Variants in ARHGEF10L observed in about 807,000 individuals in gnomAD.
ARHGEF10L encodes the protein Rho guanine nucleotide exchange factor 10 like.
ARHGEF10L carries 69 observed loss-of-function variants against 141.2 expected under a neutral mutation model. The observed-to-expected ratio is 0.49, with a 90% confidence interval of 0.40 to 0.60. The LOEUF is 0.60. ARHGEF10L is among the 20% of genes least tolerant of loss of function. The pLI, the probability that ARHGEF10L is intolerant of heterozygous loss-of-function variation, is 0.00. For synonymous variants in ARHGEF10L, 711 were observed against 718.5 expected, an observed-to-expected ratio of 0.99 and a Z score of 0.17; for missense variants, 1,482 against 1,734.3, an observed-to-expected ratio of 0.85 and a Z score of 2.58.
intron 1 of ARHGEF10L, among the ~76,000 whole-genome samples, chr1:17,554,887 G>A (rs963066670): frequency 4.6e-5 from 7 of 152,242 alleles, no homozygotes; most frequent in African/African-American, 7.2e-5. Flanking sequence ...CACTGTGCCC[G>A]ACCCTGGCCA....
chr1:17,579,450 T>C (rs2078382630), intron 1 of ARHGEF10L, among the ~76,000 whole-genome samples: 1 of 152,234 alleles, frequency 6.6e-6, no homozygotes, highest in Non-Finnish European at 1.5e-5. Context: ...TCTTCCTAGC[T>C]GTGTGATCTT....
chr1:17,578,668 C>T (rs4920617), intron 1 of ARHGEF10L, among the ~76,000 whole-genome samples: 89,609 of 152,064 alleles, frequency 0.59, 29,891 homozygotes, highest in South Asian at 0.75. Context: ...CCTGGGAAAT[C>T]GAGACCAAAG....
At chr1:17,609,168 G>T (rs1027919335) in intron 7 of ARHGEF10L, among the ~76,000 whole-genome samples, 1 of 152,214 alleles carries the variant, frequency 6.6e-6, no homozygotes, top group Non-Finnish European at 1.5e-5. Context: ...CAAGAGAGGG[G>T]ACTTTCCCAG....
At chr1:17,681,287 T>C (rs1401300049) in intron 26 of ARHGEF10L, among the ~76,000 whole-genome samples, 1 of 152,212 alleles carries the variant, frequency 6.6e-6, no homozygotes, top group African/African-American at 2.4e-5. Context: ...CTCTTCAACG[T>C]AACTGCATGG....
chr1:17,686,436 G>C (rs74659842), intron 26 of ARHGEF10L, among the ~76,000 whole-genome samples: 1,721 of 152,318 alleles, frequency 0.011, 12 homozygotes, highest in Non-Finnish European at 0.018. Context: ...TGTGGGAAGT[G>C]GCCAAGTAGA....
intron 6 of ARHGEF10L, chr1:17,604,956 C>T (rs2081037941): frequency 6.6e-6 from 1 of 152,246 alleles, no homozygotes; most frequent in Non-Finnish European, 1.5e-5. Flanking sequence ...TGTCACACAG[C>T]CTGTGTTTGC....
chr1:17,582,298 A>G (rs1439690060), intron 2 of ARHGEF10L, among the ~76,000 whole-genome samples: 2 of 151,974 alleles, frequency 1.3e-5, no homozygotes, highest in African/African-American at 4.8e-5. Context: ...GAACCTGAAC[A>G]TGGGGAGTGA....
intron 25 of ARHGEF10L, among the ~76,000 whole-genome samples, chr1:17,660,539 T>A (rs1461555939): frequency 6.6e-6 from 1 of 152,196 alleles, no homozygotes; most frequent in Non-Finnish European, 1.5e-5. Flanking sequence ...CTATTTACTG[T>A]CACCAGGCAG....
At position 17,617,102 on chromosome 1, in the gene ARHGEF10L, G is replaced by A. The variant is rs143164406; in HGVS notation, c.835+900G>A. On this transcript the variant is annotated intron_variant, in intron 9 of 28. Transcript: ENST00000361221. The stretch of plus-strand genomic sequence containing the variant: ...AGGGATAGAGGAGGCCTCAGGTGGC[G>A]GAAGTGAGGGCGGGCATGATAGGCC... 4.3e-3 allele frequency among the ~76,000 whole-genome samples: 652 copies of A among 152,318 alleles called. 4 individuals are homozygous for A. The highest frequency in any genetic ancestry group is 0.014 in the African/African-American group (602 of 41,576).
intron 1 of ARHGEF10L, among the ~76,000 whole-genome samples, chr1:17,578,645 C>T (rs898115530): frequency 6.6e-6 from 1 of 152,186 alleles, no homozygotes. Context: ...ATGATTGTGC[C>T]ACTGCACTCC....
chr1:17,612,300 G>A (rs2059588218), intron 7 of ARHGEF10L, among the ~76,000 whole-genome samples: 1 of 151,876 alleles, frequency 6.6e-6, no homozygotes. Flanking sequence ...TGCCAGCACA[G>A]CACTGCCTGA....
At chr1:17,680,852 C>T (rs1310881066) in intron 26 of ARHGEF10L, among the ~76,000 whole-genome samples, 2 of 148,464 alleles carry the variant, frequency 1.3e-5, no homozygotes, top group Non-Finnish European at 1.5e-5. Context: ...GGCGTGATCT[C>T]GGCTCACTGC....
At chr1:17,684,788 G>A (rs930984675) in intron 26 of ARHGEF10L, among the ~76,000 whole-genome samples, 3 of 152,166 alleles carry the variant, frequency 2.0e-5, no homozygotes, top group African/African-American at 7.2e-5. Context: ...TGTTCCAAGA[G>A]CAGCCTGACC....
chr1:17,664,759 CT>C (rs1230878569), intron 26 of ARHGEF10L, among the ~76,000 whole-genome samples, 164 bp downstream of exon 26: 1 of 152,222 alleles, frequency 6.6e-6, no homozygotes, highest in Non-Finnish European at 1.5e-5. Flanking sequence ...CCTATTGGGC[CT>C]GACCTCTTCC....
chr1:17,671,176 G>GGCGGA (rs892348761), intron 26 of ARHGEF10L, among the ~76,000 whole-genome samples: 1 of 152,228 alleles, frequency 6.6e-6, no homozygotes, highest in Non-Finnish European at 1.5e-5. Flanking sequence ...CCTCCGCCAC[G>GGCGGA]GCGGAGCCGC....
At chr1:17,582,791 G>T (rs2078688377) in intron 2 of ARHGEF10L, among the ~76,000 whole-genome samples, 1 of 152,096 alleles carries the variant, frequency 6.6e-6, no homozygotes, top group Admixed American at 6.6e-5. Flanking sequence ...CAGCCTCACA[G>T]TGAGCTCCGG....
chr1:17,597,351 C>A (rs990608828), intron 4 of ARHGEF10L, among the ~76,000 whole-genome samples: 4 of 152,068 alleles, frequency 2.6e-5, no homozygotes, highest in African/African-American at 9.7e-5. Flanking sequence ...GGCAGCCCTG[C>A]GTGGCTTCCA....
chr1:17,628,908 G>A (rs1207512149), intron 15 of ARHGEF10L, among the ~76,000 whole-genome samples: 6 of 152,186 alleles, frequency 3.9e-5, no homozygotes, highest in African/African-American at 1.4e-4. Context: ...AAGGCCTCCT[G>A]TAGGGTCCCC....
At chr1:17,671,363 G>T (rs528973647) in intron 26 of ARHGEF10L, among the ~76,000 whole-genome samples, 1 of 152,336 alleles carries the variant, frequency 6.6e-6, no homozygotes, top group East Asian at 1.9e-4. Flanking sequence ...TTCGCAGAAG[G>T]GGCTTGTCCA....
Sources: gnomAD v4.1 joint callset for allele counts (sites outside exome capture counted in the v4.1 genomes callset) on GRCh38, gnomAD v4.1.1 for gene constraint, MANE v1.5 for transcripts, NCBI Gene and HGNC (gene_info 2026-07-23, HGNC 2026-07-21) for gene names.